PGM2: variants seen among roughly 807,000 people sequenced by gnomAD.
The protein encoded by PGM2 is phosphopentomutase.
A neutral mutation model predicts 74.6 loss-of-function variants in PGM2; 57 were observed. The ratio of observed to expected loss-of-function variants is 0.76; its 90% confidence interval spans 0.62 to 0.95. The LOEUF (loss-of-function observed/expected upper bound fraction) is 0.95. Among genes scored for constraint, PGM2 ranks in the 40% least tolerant of loss-of-function variants. PGM2 has a pLI of 0.00. For synonymous variants in PGM2, 273 were observed against 260.7 expected (o/e 1.05, Z -0.46); for missense variants, 706 against 741.9 (o/e 0.95, Z 0.56).
chr4:37,834,813 A>G (rs1051800320), intron 3 of PGM2, 89 bp downstream of exon 3: 1 of 658,752 alleles, frequency 1.5e-6, no homozygotes, highest in Non-Finnish European at 2.7e-6. Flanking sequence ...ACTTTAATAT[A>G]TTCATTAGCC....
At chr4:37,839,774 TA>T in intron 4 of PGM2, 73 bp from the exon 5 acceptor site, 1 of 854,848 alleles carries the variant, frequency 1.2e-6, no homozygotes, top group Non-Finnish European at 2.0e-6. Context: ...ATGAACAGTA[TA>T]AAATAGACAT....
chr4:37,846,881 C>A (rs528886092), intron 8 of PGM2, 50 bp from the exon 9 acceptor site: 1 of 1,458,980 alleles, frequency 6.9e-7, no homozygotes, highest in South Asian at 1.2e-5. Flanking sequence ...TTAGAGTCTT[C>A]CTTAAGATTA....
chr4:37,839,089 A>AGAGC (rs1725636925), intron 4 of PGM2, among the ~76,000 whole-genome samples: 1 of 151,462 alleles, frequency 6.6e-6, no homozygotes, highest in Non-Finnish European at 1.5e-5. Flanking sequence ...GGAACCTGTA[A>AGAGC]GAGCATTCTC....
chr4:37,836,493 T>C (rs969707810), intron 3 of PGM2, among the ~76,000 whole-genome samples: 1 of 152,228 alleles, frequency 6.6e-6, no homozygotes, highest in Non-Finnish European at 1.5e-5. Context: ...AAGCAGTAAC[T>C]GTTAAGTATA....
intron 7 of PGM2, 47 bp from the exon 8 acceptor site, chr4:37,845,586 G>A: frequency 7.8e-7 from 1 of 1,278,896 alleles, no homozygotes; most frequent in Admixed American, 1.7e-5. Context: ...ACTATCATAT[G>A]CTCGATTCTT....
At chr4:37,835,012 A>G (rs1431329609) in intron 3 of PGM2, among the ~76,000 whole-genome samples, 2 of 152,142 alleles carry the variant, frequency 1.3e-5, no homozygotes, top group East Asian at 1.9e-4. Flanking sequence ...CATAATTTTT[A>G]CCCTGCTATT....
intron 2 of PGM2, among the ~76,000 whole-genome samples, chr4:37,832,273 T>A (rs1162061050): frequency 6.6e-6 from 1 of 152,206 alleles, no homozygotes; most frequent in African/African-American, 2.4e-5. Flanking sequence ...ATCTTTAAAA[T>A]CTTAGGAGTG....
intron 8 of PGM2, 124 bp from the exon 9 acceptor site, chr4:37,846,807 A>G: frequency 1.4e-6 from 1 of 731,130 alleles, no homozygotes; most frequent in Non-Finnish European, 2.2e-6. Context: ...ATGAATAACA[A>G]GAACAGCCTT....
At chr4:37,830,266 C>A in intron 2 of PGM2, 135 bp downstream of exon 2, 2 of 571,570 alleles carry the variant, frequency 3.5e-6, no homozygotes, top group Non-Finnish European at 2.9e-6. Context: ...ACCATTTACT[C>A]CATAAAGTAA....
intron 12 of PGM2, among the ~76,000 whole-genome samples, chr4:37,852,133 C>CTTTTTTTTTTTT (rs778968323): frequency 1.3e-4 from 6 of 47,260 alleles, no homozygotes; most frequent in African/African-American, 4.0e-4. Flanking sequence ...ATGCCCAGCT[C>CTTTTTTTTTTTT]TTTTTTTTTT....
intron 3 of PGM2, among the ~76,000 whole-genome samples, chr4:37,836,615 C>T (rs2608307): frequency 0.33 from 50,668 of 151,952 alleles, 11,172 homozygotes; most frequent in African/African-American, 0.63. Flanking sequence ...AAGCTAGTGC[C>T]CAAGAAGTAT....
At chr4:37,843,130 G>T (rs776147578) in intron 6 of PGM2, among the ~76,000 whole-genome samples, 1 of 152,180 alleles carries the variant, frequency 6.6e-6, no homozygotes, top group South Asian at 2.1e-4. Context: ...ACTCCAGAGC[G>T]TGTTAACCAC....
At chr4:37,838,284 A>G (rs1319707281) in intron 4 of PGM2, among the ~76,000 whole-genome samples, 2 of 152,212 alleles carry the variant, frequency 1.3e-5, no homozygotes, top group Non-Finnish European at 2.9e-5. Context: ...CTGTCTTGTC[A>G]TGAATATTTT....
At chr4:37,836,425 C>T (rs763281260) in intron 3 of PGM2, among the ~76,000 whole-genome samples, 10 of 152,194 alleles carry the variant, frequency 6.6e-5, no homozygotes, top group African/African-American at 1.9e-4. Context: ...TTCTGAATTT[C>T]GCCCGAGGAG....
At chr4:37,841,548 T>A (rs912422491) in intron 6 of PGM2, among the ~76,000 whole-genome samples, 1 of 152,212 alleles carries the variant, frequency 6.6e-6, no homozygotes, top group East Asian at 1.9e-4. Context: ...CCGTGCCAGC[T>A]GAGTGTTGCC....
intron 1 of PGM2, among the ~76,000 whole-genome samples, chr4:37,829,356 C>T (rs892126724): frequency 6.6e-6 from 1 of 152,138 alleles, no homozygotes; most frequent in African/African-American, 2.4e-5. Flanking sequence ...TGTTATTTGT[C>T]TACTTCTTGG....
intron 13 of PGM2, among the ~76,000 whole-genome samples, chr4:37,858,424 C>A (rs149230422): frequency 6.6e-6 from 1 of 151,798 alleles, no homozygotes; most frequent in Non-Finnish European, 1.5e-5. Context: ...GCAACCTCTG[C>A]CTCCTGGGTT....
In PGM2 at chr4:37,855,697, C is replaced by T. The variant is rs763522766; in HGVS notation, c.1692C>T (p.Pro564=). The T allele has an allele frequency of 1.2e-6, 2 of 1,614,032 alleles. No individual in the cohort carries two copies. The highest frequency in any genetic ancestry group is 1.7e-6 in the Non-Finnish European group (2 of 1,179,948). Residue 564 remains proline (P), a synonymous_variant, in exon 13 of 14, where the codon CCC becomes CCT. Transcript: ENST00000381967. ...CCATGCGCACCAGTGGGACAGAGCC[C>T]AAAATCAAGTACTATGCAGAGCTGT... The part of the protein sequence containing the change: ...VATMRTSGTE[P]KIKYYAELCA...
At chr4:37,858,298 A>G (rs1711620419) in intron 13 of PGM2, among the ~76,000 whole-genome samples, 1 of 152,098 alleles carries the variant, frequency 6.6e-6, no homozygotes, top group African/African-American at 2.4e-5. Flanking sequence ...GCAAGGCACC[A>G]GCATACCTAA....
Sources: allele counts gnomAD v4.1 joint callset (sites outside exome capture counted in the v4.1 genomes callset), GRCh38; gene constraint gnomAD v4.1.1; transcripts MANE v1.5; gene names NCBI Gene and HGNC (gene_info 2026-07-23, HGNC 2026-07-21).